Variants in TARS3 observed in about 807,000 individuals in gnomAD.
The protein encoded by TARS3 is threonine--tRNA ligase 2, cytoplasmic.
Under a neutral mutation model 103.5 loss-of-function variants are expected in TARS3, and 94 were observed. The ratio of observed to expected loss-of-function variants is 0.91; its 90% CI spans 0.77 to 1.08. The LOEUF (loss-of-function observed/expected upper bound fraction) is 1.08, where lower values mean the gene tolerates loss of function less well. Ranked by LOEUF, TARS3 falls within the 50% of genes least tolerant of loss-of-function variation. The pLI is 0.00. For missense variants in TARS3, 952 were observed against 995.2 expected (o/e 0.96, Z 0.58); for synonymous variants, 416 against 355.4 (o/e 1.17, Z -1.92).
Position 101,703,809 on chromosome 15 carries a change from ATAGC to A in TARS3, c.1074+46_1074+49del, listed in dbSNP as rs773308503. 50 of 1,112,768 alleles carry A rather than the reference ATAGC, an allele frequency of 4.5e-5. No individual in the cohort carries two copies. The East Asian group carries it at 1.2e-3, about 26-fold the overall frequency. The allele number at this position is 1,112,768 out of a possible 1,614,324, so 68.9% of individuals were successfully genotyped here. A position where few individuals can be genotyped will look rare whatever the true frequency, so the allele number is the denominator to read the frequency against. Reference sequence around the variant, plus strand: ...AATAAGATATGATTAAAATCCTTTAATAGCTAGTGCACCTTAAGTTTACTGTATT... The same window carrying A: ...AATAAGATATGATTAAAATCCTTTAATAGTGCACCTTAAGTTTACTGTATT... On this transcript the variant is annotated intron_variant, in intron 8 of 18. Transcript: ENST00000335968.
At chr15:101,707,803 T>C (rs558887412) in intron 6 of TARS3, among the ~76,000 whole-genome samples, 35 of 152,312 alleles carry the variant, frequency 2.3e-4, no homozygotes, top group African/African-American at 8.2e-4. Flanking sequence ...ATGTACTTAA[T>C]GCCACAGAAC....
intron 3 of TARS3, among the ~76,000 whole-genome samples, chr15:101,720,411 A>T (rs1306648418): frequency 1.3e-5 from 2 of 152,198 alleles, no homozygotes; most frequent in African/African-American, 4.8e-5. Context: ...AAGACTGATA[A>T]TAGCTCTAAA....
intron 6 of TARS3, among the ~76,000 whole-genome samples, chr15:101,707,174 A>C (rs1201396320): frequency 6.6e-6 from 1 of 152,220 alleles, no homozygotes; most frequent in Non-Finnish European, 1.5e-5. Flanking sequence ...CATGATTAAA[A>C]AAAAAACAAA....
chr15:101,654,449 T>C lies in TARS3; in HGVS notation c.*133A>G, dbSNP rs538610880. On this transcript the variant is annotated 3_prime_UTR_variant, in exon 19 of 19. Coordinates refer to ENST00000335968, the MANE Select transcript of TARS3 (RefSeq NM_152334.3). ...GTGCATGTCAGCTACACGTTCATCGTCTCCTTTCTCAGCTGAGGCCATGAG... is the reference window on the plus strand; with the variant it reads ...GTGCATGTCAGCTACACGTTCATCGCCTCCTTTCTCAGCTGAGGCCATGAG... 0.014 allele frequency: 12,439 copies of C among 913,208 alleles called. 122 individuals are homozygous for C. The highest frequency in any genetic ancestry group is 0.018 in the Non-Finnish European group (10,935 of 622,744). 56.6% of individuals were successfully genotyped at this position (913,208 alleles called of 1,614,324 possible).
At chr15:101,682,347 T>C (rs543746194) in intron 12 of TARS3, among the ~76,000 whole-genome samples, 37 of 152,316 alleles carry the variant, frequency 2.4e-4, no homozygotes, top group African/African-American at 8.2e-4. Flanking sequence ...ATGTAGAATT[T>C]TGCCAAATAC....
chr15:101,655,337 G>C (rs1170765824), intron 18 of TARS3, among the ~76,000 whole-genome samples: 9 of 138,788 alleles, frequency 6.5e-5, no homozygotes, highest in Non-Finnish European at 7.7e-5. Flanking sequence ...GGCTCACACT[G>C]ACCCCACCTG....
At chr15:101,698,234 A>G (rs941635141) in intron 10 of TARS3, among the ~76,000 whole-genome samples, 2 of 152,192 alleles carry the variant, frequency 1.3e-5, no homozygotes, top group African/African-American at 4.8e-5. Context: ...CGGGAGGCTG[A>G]GGCAGGAGAA....
At chr15:101,689,085 T>C (rs951520862) in intron 10 of TARS3, among the ~76,000 whole-genome samples, 2 of 152,190 alleles carry the variant, frequency 1.3e-5, no homozygotes, top group African/African-American at 2.4e-5. Context: ...CATTGCCCAT[T>C]ATGGGCTCCC....
In TARS3 at chr15:101,702,340, G is replaced by T. The variant is rs750405077; in HGVS notation, c.1120C>A (p.Gln374Lys). Residue 374 changes from glutamine to lysine, a missense_variant, in exon 9 of 19, where the codon CAG becomes AAG. Physicochemically the swap from Gln to Lys is moderately conservative, Grantham distance 53 (BLOSUM62 1). This residue lies in a region of TARS3 where 540 missense variants were observed against 631.0 expected (regional missense o/e 0.86). Coordinates refer to ENST00000335968, the MANE Select transcript of TARS3 (RefSeq NM_152334.3). Reference protein sequence around the residue: ...WEGNPEMETLQRIYGISFPDN... With the variant: ...WEGNPEMETLKRIYGISFPDN... ...GGAAAGGATATTCCATAGATCCTCT[G>T]CAATGTTTCCATTTCCGGATTGCCC... 8 of 1,613,722 alleles carry T rather than the reference G, an allele frequency of 5.0e-6. No individual in the cohort carries two copies. The highest frequency in any genetic ancestry group is 6.8e-6 in the Non-Finnish European group (8 of 1,179,690).
At position 101,675,755 on chromosome 15, in the gene TARS3, GAAACATTC is replaced by G; in HGVS notation, c.1651-26_1651-19del. The stretch of plus-strand genomic sequence containing the variant: ...TCTTCAATCTGAAATCAAAGCAAAT[GAAACATTC>G]AAATAGAACATCAAATTCATTTATG... On this transcript the variant is annotated intron_variant, in intron 12 of 18. Transcript: ENST00000335968. 6.2e-7 allele frequency: 1 copy of G among 1,601,292 alleles called. No individual in the cohort carries two copies. Among genetic ancestry groups the G allele is most frequent in the Non-Finnish European group, 8.5e-7 (1 of 1,175,580 alleles).
intron 10 of TARS3, among the ~76,000 whole-genome samples, chr15:101,691,656 A>G (rs1898730825): frequency 6.6e-6 from 1 of 152,204 alleles, no homozygotes; most frequent in Non-Finnish European, 1.5e-5. Context: ...CAAATAGTAA[A>G]AGAGTTACCT....
chr15:101,713,788 C>G (rs559327403), intron 4 of TARS3, among the ~76,000 whole-genome samples: 88 of 152,264 alleles, frequency 5.8e-4, no homozygotes, highest in African/African-American at 1.7e-3. Flanking sequence ...ATCACGTAGA[C>G]AGTAGTGCAT....
intron 5 of TARS3, among the ~76,000 whole-genome samples, chr15:101,709,721 T>C (rs753693083): frequency 4.1e-4 from 63 of 152,194 alleles, no homozygotes; most frequent in Non-Finnish European, 9.0e-4. Flanking sequence ...ACTGGTTCCT[T>C]CACTGCTGAA....
intron 17 of TARS3, 58 bp from the exon 18 acceptor site, chr15:101,657,094 C>G: frequency 9.2e-7 from 1 of 1,081,308 alleles, no homozygotes. Flanking sequence ...TCCAAGAAGA[C>G]CCCGTTGTTC....
chr15:101,678,720 AAGG>A (rs1001671967), intron 12 of TARS3, among the ~76,000 whole-genome samples: 45 of 152,200 alleles, frequency 3.0e-4, no homozygotes, highest in African/African-American at 9.4e-4. Context: ...GAAAACGCAA[AAGG>A]AGAAGGAAAA....
At chr15:101,697,429 C>T (rs1217220116) in intron 10 of TARS3, among the ~76,000 whole-genome samples, 2 of 152,044 alleles carry the variant, frequency 1.3e-5, no homozygotes, top group African/African-American at 2.4e-5. Flanking sequence ...GCTGGGGAGA[C>T]GTCCAGGCAG....
At chr15:101,673,802 G>C (rs1352912393) in intron 13 of TARS3, among the ~76,000 whole-genome samples, 1 of 152,196 alleles carries the variant, frequency 6.6e-6, no homozygotes, top group East Asian at 1.9e-4. Context: ...GCCCTCCTTA[G>C]AGCTCAAGGC....
intron 10 of TARS3, among the ~76,000 whole-genome samples, chr15:101,698,969 G>A (rs577176042): frequency 2.4e-4 from 36 of 152,272 alleles, no homozygotes; most frequent in Non-Finnish European, 3.8e-4. Context: ...ATCAAAAGTT[G>A]AATCTTATTA....
chr15:101,702,436 T>A, intron 8 of TARS3, 51 bp from the exon 9 acceptor site: 1 of 1,464,950 alleles, frequency 6.8e-7, no homozygotes, highest in Non-Finnish European at 9.6e-7. Flanking sequence ...CAGTTGTAAG[T>A]AAAACTGCTC....
Sources: gnomAD v4.1 joint callset for allele counts (sites outside exome capture counted in the v4.1 genomes callset) on GRCh38, gnomAD v4.1.1 for gene constraint, gnomAD v4.1.1 regional missense constraint, MANE v1.5 for transcripts, NCBI Gene and HGNC (gene_info 2026-07-23, HGNC 2026-07-21) for gene names.